Variants in RUSC2 observed in about 807,000 individuals in gnomAD.
The protein encoded by RUSC2 is RUN and SH3 domain containing 2.
A neutral mutation model predicts 122.2 loss-of-function variants in RUSC2; 34 were observed. The ratio of observed to expected loss-of-function variants is 0.28; its 90% CI spans 0.21 to 0.37. The LOEUF (loss-of-function observed/expected upper bound fraction) is 0.37. RUSC2 is among the 10% of genes least tolerant of loss of function. RUSC2 has a pLI of 1.00. For missense variants in RUSC2, 1,747 were observed against 1,952.4 expected (o/e 0.89, Z 1.98); for synonymous variants, 784 against 790.0 (o/e 0.99, Z 0.13).
intron 1 of RUSC2, among the ~76,000 whole-genome samples, chr9:35,543,716 G>A (rs931769374): frequency 3.9e-5 from 6 of 152,044 alleles, no homozygotes; most frequent in East Asian, 1.9e-4. Flanking sequence ...TGATCCGCCC[G>A]CCTCAGCCTC....
chr9:35,552,026 G>T (rs1821910556), intron 2 of RUSC2, among the ~76,000 whole-genome samples: 1 of 151,210 alleles, frequency 6.6e-6, no homozygotes, highest in Non-Finnish European at 1.5e-5. Context: ...TTGCACCACT[G>T]CATCCCAGCC....
chr9:35,537,016 C>T lies in RUSC2; in HGVS notation c.-92-9414C>T, dbSNP rs564257777. ...CAAGTGGGGAGACTAGTTAGGTGGC[C>T]GAGGTTTATAATGTAACAGTATTTG... On this transcript the variant is annotated intron_variant, in intron 1 of 11. Coordinates refer to ENST00000361226, the MANE Select transcript of RUSC2 (RefSeq NM_014806.5). Among the ~76,000 whole-genome samples, 18 of 151,926 alleles carry T rather than the reference C, an allele frequency of 1.2e-4. No homozygotes were observed. In the South Asian group the frequency reaches 2.1e-3, roughly 18 times the overall value.
At chr9:35,538,782 G>A (rs985306479) in intron 1 of RUSC2, 2 of 152,402 alleles carry the variant, frequency 1.3e-5, no homozygotes, top group Non-Finnish European at 2.9e-5. Context: ...TAGGCTAAAG[G>A]GCCCACAGGG....
chr9:35,529,581 C>T (rs1403776951), intron 1 of RUSC2, among the ~76,000 whole-genome samples: 1 of 150,476 alleles, frequency 6.6e-6, no homozygotes, highest in Non-Finnish European at 1.5e-5. Flanking sequence ...TTTATGATGG[C>T]ATTTTTACTG....
At chr9:35,510,314 C>A (rs973349991) in intron 1 of RUSC2, among the ~76,000 whole-genome samples, 7 of 152,210 alleles carry the variant, frequency 4.6e-5, no homozygotes, top group South Asian at 4.2e-4. Context: ...GAGTTCAAGA[C>A]CAGCTTTGCC....
chr9:35,545,179 A>G (rs1821719992), intron 1 of RUSC2, among the ~76,000 whole-genome samples: 1 of 152,182 alleles, frequency 6.6e-6, no homozygotes, highest in Admixed American at 6.5e-5. Context: ...CTATGACCCT[A>G]TGGTCTACAT....
In RUSC2 at chr9:35,547,961, A is replaced by G. The variant is rs755823909; in HGVS notation, c.1440A>G (p.Val480=). 3.7e-6 allele frequency: 6 copies of G among 1,614,146 alleles called. No homozygotes were observed. The highest frequency in any genetic ancestry group is 4.2e-6 in the Non-Finnish European group (5 of 1,180,034). Residue 480 remains valine (V), a synonymous_variant, in exon 2 of 12, where the codon GTA becomes GTG. Coordinates refer to ENST00000361226, the MANE Select transcript of RUSC2 (RefSeq NM_014806.5). The surrounding 1 kb of genome is among the most constrained non-coding windows in gnomAD (Gnocchi z 4.6). ...GCCCCACTGTGCTTGAGGGACAAGT[A>G]TACACGAATACTTCACCCCCCAACC... is the stretch of plus-strand genomic sequence containing the variant. ...AVGPTVLEGQ[V]YTNTSPPNLS...
rs758569757 is a variant in RUSC2 at position 35,547,476 on chromosome 9, G to A, written c.955G>A (p.Ala319Thr). Residue 319 changes from alanine (A) to threonine (T), a missense_variant, in exon 2 of 12, where the codon GCC becomes ACC. Physicochemically the swap from Ala to Thr is moderately conservative, Grantham distance 58. Coordinates refer to ENST00000361226, the MANE Select transcript of RUSC2 (RefSeq NM_014806.5). The surrounding 1 kb of genome is among the most constrained non-coding windows in gnomAD (Gnocchi z 4.6). ...SSFCSHSDPG[A>T]FYLDLQPSPF... Reference sequence around the variant, plus strand: ...CTTCTGCAGCCACTCAGACCCTGGCGCCTTCTATCTGGATCTGCAGCCCTC... The same window carrying A: ...CTTCTGCAGCCACTCAGACCCTGGCACCTTCTATCTGGATCTGCAGCCCTC... The A allele has an allele frequency of 1.1e-5, 17 of 1,614,060 alleles. No homozygotes were observed. Among genetic ancestry groups the A allele is most frequent in the Admixed American group, 8.3e-5 (5 of 60,010 alleles).
At chr9:35,495,257 A>C (rs1442719858) in intron 1 of RUSC2, among the ~76,000 whole-genome samples, 1 of 108,926 alleles carries the variant, frequency 9.2e-6, no homozygotes, top group African/African-American at 3.4e-5. Flanking sequence ...ATAATATATA[A>C]AATATATTTT....
At chr9:35,543,504 A>AG (rs1407345860) in intron 1 of RUSC2, among the ~76,000 whole-genome samples, 6 of 152,260 alleles carry the variant, frequency 3.9e-5, no homozygotes, top group African/African-American at 1.4e-4. Context: ...TGAAGCAAAA[A>AG]GAATAAAATT....
In RUSC2 at chr9:35,497,936, T is replaced by A. The variant is rs540273937; in HGVS notation, c.-93+7764T>A. Among the ~76,000 whole-genome samples the A allele has an allele frequency of 2.8e-4, 42 of 152,336 alleles. 1 individual carries two copies. In the South Asian group the frequency reaches 8.3e-3, roughly 30 times the overall value. On this transcript the variant is annotated intron_variant, in intron 1 of 11. Coordinates refer to ENST00000361226, the MANE Select transcript of RUSC2 (RefSeq NM_014806.5). ...GTAACTGCCATAGGAAAATTATACATGTACTACAGGACAGTAGAACAACTT... is the reference window on the plus strand; with the variant it reads ...GTAACTGCCATAGGAAAATTATACAAGTACTACAGGACAGTAGAACAACTT...
At chr9:35,528,431 A>AT (rs1161449036) in intron 1 of RUSC2, among the ~76,000 whole-genome samples, 10 of 150,924 alleles carry the variant, frequency 6.6e-5, no homozygotes, top group African/African-American at 2.4e-4. Context: ...TATTTTTCAT[A>AT]TTTTGCAGTG....
At chr9:35,544,326 T>TTTTTTTA (rs1821702121) in intron 1 of RUSC2, among the ~76,000 whole-genome samples, 2 of 149,564 alleles carry the variant, frequency 1.3e-5, no homozygotes, top group African/African-American at 4.9e-5. Context: ...TTTTTTTTTT[T>TTTTTTTA]GAGACAGAGT....
chr9:35,499,556 G>A (rs1359379209), intron 1 of RUSC2, among the ~76,000 whole-genome samples: 1 of 152,050 alleles, frequency 6.6e-6, no homozygotes, highest in Non-Finnish European at 1.5e-5. Flanking sequence ...ACTGATAACT[G>A]GGTGGAAAGA....
At chr9:35,538,015 T>C (rs1223631365) in intron 1 of RUSC2, among the ~76,000 whole-genome samples, 2 of 152,162 alleles carry the variant, frequency 1.3e-5, no homozygotes, top group African/African-American at 4.8e-5. Context: ...TCTGTAGGTC[T>C]CCAGGCAGAA....
rs1822174402 is a variant in RUSC2, at chr9:35,561,459, T to C, written c.*77T>C. Reference sequence around the variant, plus strand: ...AGCCCGAGAGCCCTTCCCAAGCCATTGGCTTGGCTGCAGAGTAGACTGAGA... The same window carrying C: ...AGCCCGAGAGCCCTTCCCAAGCCATCGGCTTGGCTGCAGAGTAGACTGAGA... On this transcript the variant is annotated 3_prime_UTR_variant, in exon 12 of 12. Transcript: ENST00000361226. 2 of 1,261,004 alleles carry C rather than the reference T, an allele frequency of 1.6e-6. No individual in the cohort carries two copies. The highest frequency in any genetic ancestry group is 2.2e-6 in the Non-Finnish European group (2 of 899,648). 78.1% of individuals were successfully genotyped at this position (1,261,004 alleles called of 1,614,324 possible). A position where few individuals can be genotyped will look rare whatever the true frequency, so the allele number is the denominator to read the frequency against.
At chr9:35,553,848 C>G (rs554186554) in intron 2 of RUSC2, among the ~76,000 whole-genome samples, 1 of 152,316 alleles carries the variant, frequency 6.6e-6, no homozygotes, top group South Asian at 2.1e-4. Context: ...TCCCCTCTGA[C>G]TCTTTGATGT....
rs1218119773 is a variant in RUSC2 at position 35,557,468 on chromosome 9, G to T, written c.2984-446G>T. On this transcript the variant is annotated intron_variant, in intron 5 of 11. Coordinates refer to ENST00000361226, the MANE Select transcript of RUSC2 (RefSeq NM_014806.5). This position sits in a 1 kb window ranked among gnomAD's most constrained non-coding sequence, Gnocchi z 4.6. Reference sequence around the variant, plus strand: ...AAGCAGAACCAAGGGCTTGAGAGGAGGGGTGTCGATTTCACATGGCAACTT... The same window carrying T: ...AAGCAGAACCAAGGGCTTGAGAGGATGGGTGTCGATTTCACATGGCAACTT... 1.3e-5 allele frequency among the ~76,000 whole-genome samples: 2 copies of T among 152,168 alleles called. No individual in the cohort carries two copies. The highest frequency in any genetic ancestry group is 2.9e-5 in the Non-Finnish European group (2 of 68,030).
At chr9:35,556,543 G>GGCTGGGCCCTCTAAGTGCTA in intron 5 of RUSC2, 95 bp downstream of exon 5, 2 of 1,426,024 alleles carry the variant, frequency 1.4e-6, no homozygotes, top group Non-Finnish European at 1.9e-6. Context: ...TCTAAGTGCT[G>GGCTGGGCCCTCTAAGTGCTA]GCTGGGCCCA....
Sources: allele counts gnomAD v4.1 joint callset (sites outside exome capture counted in the v4.1 genomes callset), GRCh38; gene constraint gnomAD v4.1.1; non-coding constraint Gnocchi (gnomAD v3.1); transcripts MANE v1.5; gene names NCBI Gene and HGNC (gene_info 2026-07-23, HGNC 2026-07-21).